The following MACO1 variants were observed in gnomAD, a reference collection of about 807,000 sequenced individuals.
The protein encoded by MACO1 is macoilin.
Under a neutral mutation model 78.7 loss-of-function variants are expected in MACO1, and 14 were observed. That is an observed-to-expected ratio of 0.18 (90% CI 0.12 to 0.28). MACO1 has a LOEUF of 0.28. Ranked by LOEUF, MACO1 falls within the 10% of genes least tolerant of loss-of-function variation. The probability of loss-of-function intolerance (pLI) is 1.00; values close to 1 mark genes in which losing one functional copy is unlikely to be tolerated. For synonymous variants in MACO1, 288 were observed against 291.6 expected (o/e 0.99, Z 0.12); for missense variants, 501 against 799.0 (o/e 0.63, Z 4.50).
chr1:25,437,914 C>T (rs2042933697), intron 1 of MACO1, among the ~76,000 whole-genome samples: 1 of 151,850 alleles, frequency 6.6e-6, no homozygotes, highest in South Asian at 2.1e-4. Flanking sequence ...GAGCAAGACC[C>T]TGTGTCAAAA....
intron 6 of MACO1, among the ~76,000 whole-genome samples, chr1:25,467,876 G>C (rs2043233391): frequency 6.6e-6 from 1 of 152,096 alleles, no homozygotes; most frequent in Non-Finnish European, 1.5e-5. Context: ...AAGCTAGGGT[G>C]ACGGTGCCAG....
rs373090710 is a variant in MACO1, at chr1:25,500,080, C to T, written c.*1614C>T. 2 of 151,580 alleles carry T rather than the reference C, an allele frequency of 1.3e-5. No homozygotes were observed. The highest frequency in any genetic ancestry group is 2.9e-5 in the Non-Finnish European group (2 of 67,964). 9.4% of individuals were successfully genotyped at this position (151,580 alleles called of 1,614,324 possible). The stretch of plus-strand genomic sequence containing the variant: ...TGTGCAAAAACATGGAAAATTGTCA[C>T]TGACTTTGTTTTGAGGTTTCCCCCA... On this transcript the variant is annotated 3_prime_UTR_variant, in exon 11 of 11. Coordinates refer to ENST00000374343, the MANE Select transcript of MACO1 (RefSeq NM_018202.6).
rs1346001804 is a variant in MACO1, at chr1:25,498,948, AAAG to A, written c.*486_*488del. 1.3e-5 allele frequency: 2 copies of A among 152,986 alleles called. No individual in the cohort carries two copies. The highest frequency in any genetic ancestry group is 4.8e-5 in the African/African-American group (2 of 41,472). The allele number at this position is 152,986 out of a possible 1,614,324, so 9.5% of individuals were successfully genotyped here. A position where few individuals can be genotyped will look rare whatever the true frequency, so the allele number is the denominator to read the frequency against. On this transcript the variant is annotated 3_prime_UTR_variant, in exon 11 of 11. Transcript: ENST00000374343. ...AGAGCTTTGATGTTATAGCTGCATT[AAAG>A]AAGGTGATTGTCAATATTACAGAAA...
At chr1:25,492,804 C>A (rs1281220413) in intron 10 of MACO1, among the ~76,000 whole-genome samples, 1 of 152,044 alleles carries the variant, frequency 6.6e-6, no homozygotes, top group African/African-American at 2.4e-5. Flanking sequence ...ATAGAGTACT[C>A]TATAGAGTAC....
intron 3 of MACO1, among the ~76,000 whole-genome samples, chr1:25,449,198 A>T (rs893639194): frequency 6.6e-6 from 1 of 152,198 alleles, no homozygotes; most frequent in African/African-American, 2.4e-5. Context: ...TTTAAAAAAA[A>T]AATAGTTGGA....
chr1:25,479,349 G>A (rs1462873237), intron 6 of MACO1, among the ~76,000 whole-genome samples: 1 of 152,094 alleles, frequency 6.6e-6, no homozygotes, highest in East Asian at 1.9e-4. Flanking sequence ...AAGACAAATA[G>A]TAGTTATCTG....
rs961828656 is a variant in MACO1, at chr1:25,448,688, A to G, written c.223-120A>G. 37 of 924,040 alleles carry G rather than the reference A, an allele frequency of 4.0e-5. 1 individual carries two copies. The Middle Eastern group carries it at 1.4e-3, about 34-fold the overall frequency. The allele number at this position is 924,040 out of a possible 1,614,324, so 57.2% of individuals were successfully genotyped here. Reference sequence around the variant, plus strand: ...ATTTCCTTTTGTGAATTTGCTTTACAGTTACCAAGTTATCTCTTAGCAGTT... The same window carrying G: ...ATTTCCTTTTGTGAATTTGCTTTACGGTTACCAAGTTATCTCTTAGCAGTT... On this transcript the variant is annotated intron_variant, in intron 2 of 10. Coordinates refer to ENST00000374343, the MANE Select transcript of MACO1 (RefSeq NM_018202.6).
rs531885296 is a variant in MACO1, at chr1:25,481,777, G to T, written c.1155-2339G>T. On this transcript the variant is annotated intron_variant, in intron 6 of 10. Transcript: ENST00000374343. ...TAACTCTGGCAATAGGGAAAGTGTG[G>T]TGTGATGTCGACTTGTGACCCTTCC... Among the ~76,000 whole-genome samples, 4 of 152,306 alleles carry T rather than the reference G, an allele frequency of 2.6e-5. No individual in the cohort carries two copies. The South Asian group carries it at 8.3e-4, about 32-fold the overall frequency.
intron 6 of MACO1, among the ~76,000 whole-genome samples, chr1:25,483,440 G>T (rs888204368): frequency 1.3e-5 from 2 of 152,222 alleles, no homozygotes; most frequent in African/African-American, 4.8e-5. Context: ...CTGCAGTAAA[G>T]AAAATAGATG....
chr1:25,460,262 C>T (rs753592850), intron 6 of MACO1, among the ~76,000 whole-genome samples: 5 of 152,116 alleles, frequency 3.3e-5, no homozygotes, highest in African/African-American at 4.8e-5. Flanking sequence ...AGAAAAAACA[C>T]GTGGAAGAGA....
chr1:25,445,530 C>G (rs918017799), intron 1 of MACO1, among the ~76,000 whole-genome samples: 2 of 152,020 alleles, frequency 1.3e-5, no homozygotes, highest in Non-Finnish European at 2.9e-5. Flanking sequence ...AAAATAAATC[C>G]TCAATGCTGG....
intron 6 of MACO1, among the ~76,000 whole-genome samples, chr1:25,473,659 T>C (rs2043294501): frequency 6.6e-6 from 1 of 152,214 alleles, no homozygotes; most frequent in African/African-American, 2.4e-5. Context: ...GAATTTAGTT[T>C]TTCATCTAAG....
At chr1:25,487,706 C>T (rs2124610125) in intron 8 of MACO1, among the ~76,000 whole-genome samples, 1 of 152,308 alleles carries the variant, frequency 6.6e-6, no homozygotes, top group Middle Eastern at 3.4e-3. Context: ...ACAAAAGTCC[C>T]AATGCGTAGC....
chr1:25,480,923 AAAAAAAATATATATATATAT>A (rs1402297052), intron 6 of MACO1, among the ~76,000 whole-genome samples: 3 of 31,970 alleles, frequency 9.4e-5, no homozygotes, highest in Admixed American at 8.1e-4. Flanking sequence ...TAAAAAAAAA[AAAAAAAATATATATATATAT>A]ATATATATAT....
At chr1:25,471,618 T>C (rs1016947623) in intron 6 of MACO1, among the ~76,000 whole-genome samples, 28 of 152,176 alleles carry the variant, frequency 1.8e-4, no homozygotes, top group African/African-American at 6.5e-4. Flanking sequence ...TAAATACTTG[T>C]TGAATTAATA....
intron 10 of MACO1, among the ~76,000 whole-genome samples, chr1:25,494,682 C>T (rs1484149382): frequency 6.6e-6 from 1 of 151,988 alleles, no homozygotes; most frequent in African/African-American, 2.4e-5. Context: ...GGAGGGCGGA[C>T]GGGCCAGACA....
intron 4 of MACO1, 96 bp from the exon 5 acceptor site, chr1:25,456,557 A>G: frequency 1.6e-6 from 2 of 1,256,888 alleles, no homozygotes; most frequent in Non-Finnish European, 2.2e-6. Flanking sequence ...ATTAGAATTT[A>G]TTTTTAATTT....
At chr1:25,455,484 T>C (rs2043111019) in intron 4 of MACO1, among the ~76,000 whole-genome samples, 1 of 152,218 alleles carries the variant, frequency 6.6e-6, no homozygotes, top group Non-Finnish European at 1.5e-5. Context: ...ACTTGGTCAG[T>C]AAAACATGTC....
At position 25,491,399 on chromosome 1, in the gene MACO1, G is replaced by T. The variant is rs369234560; in HGVS notation, c.1618-11G>T. 1.2e-6 allele frequency: 2 copies of T among 1,613,860 alleles called. No individual in the cohort carries two copies. Among genetic ancestry groups the T allele is most frequent in the Non-Finnish European group, 1.7e-6 (2 of 1,179,950 alleles). On this transcript the variant is annotated splice_polypyrimidine_tract_variant and intron_variant, in intron 9 of 10. Transcript: ENST00000374343. ...TACCTTGTAGCATTGCTGTTTTGAT[G>T]ATATTGATAGGAGCTTCGGAAATAT...
Sources: allele counts gnomAD v4.1 joint callset (sites outside exome capture counted in the v4.1 genomes callset), GRCh38; gene constraint gnomAD v4.1.1; transcripts MANE v1.5; gene names NCBI Gene and HGNC (gene_info 2026-07-23, HGNC 2026-07-21).